Variants in CYP2J2 observed in about 807,000 individuals in gnomAD.
CYP2J2 encodes the protein cytochrome P450 2J2.
A neutral mutation model predicts 48.8 loss-of-function variants in CYP2J2; 41 were observed. The ratio of observed to expected loss-of-function variants is 0.84; its 90% CI spans 0.66 to 1.09. CYP2J2 has a LOEUF of 1.09. Among genes scored for constraint, CYP2J2 ranks in the 50% least tolerant of loss-of-function variants. The probability of loss-of-function intolerance (pLI) is 0.00; values close to 1 mark genes in which losing one functional copy is unlikely to be tolerated. For missense variants in CYP2J2, 644 were observed against 617.3 expected, an observed-to-expected ratio of 1.04 and a Z score of -0.46; for synonymous variants, 221 against 227.1, an observed-to-expected ratio of 0.97 and a Z score of 0.24.
chr1:59,929,265 T>G (rs1050121496), upstream of CYP2J2, among the ~76,000 whole-genome samples: 6 of 152,018 alleles, frequency 3.9e-5, no homozygotes, highest in African/African-American at 1.5e-4. Context: ...ACAAATGAAA[T>G]TACAAACAAA....
chr1:59,959,373 T>C, the CYP2J2 span, among the ~76,000 whole-genome samples: 3 of 149,388 alleles, frequency 2.0e-5, no homozygotes, highest in Non-Finnish European at 4.5e-5. Context: ...TAACTAAAAG[T>C]AGATCTGCTA....
chr1:59,956,040 T>C, the CYP2J2 span, among the ~76,000 whole-genome samples: 304 of 152,270 alleles, frequency 2.0e-3, 2 homozygotes, highest in Non-Finnish European at 3.0e-3. Context: ...CAGAGATGTA[T>C]ACATATGCAT....
At chr1:59,924,146 C>T (rs1022677895) in intron 1 of CYP2J2, among the ~76,000 whole-genome samples, 3 of 152,108 alleles carry the variant, frequency 2.0e-5, no homozygotes, top group African/African-American at 7.2e-5. Context: ...AAAGAAGAAG[C>T]ATAAACTTTT....
the CYP2J2 span, among the ~76,000 whole-genome samples, chr1:59,965,146 A>G: frequency 1.3e-5 from 2 of 152,248 alleles, no homozygotes; most frequent in African/African-American, 4.8e-5. Flanking sequence ...GGGTGAAGCA[A>G]GTTTAACAGT....
intron 8 of CYP2J2, among the ~76,000 whole-genome samples, chr1:59,894,526 G>A (rs1644252390): frequency 6.6e-6 from 1 of 152,172 alleles, no homozygotes; most frequent in Non-Finnish European, 1.5e-5. Flanking sequence ...TGAACTGAAG[G>A]CAGAAGGGCA....
the CYP2J2 span, among the ~76,000 whole-genome samples, chr1:59,935,431 A>C: frequency 6.6e-6 from 1 of 152,178 alleles, no homozygotes; most frequent in African/African-American, 2.4e-5. Flanking sequence ...GCATGTAACT[A>C]TATGAGGTGA....
At chr1:59,961,296 AAC>A in the CYP2J2 span, among the ~76,000 whole-genome samples, 1 of 152,342 alleles carries the variant, frequency 6.6e-6, no homozygotes, top group East Asian at 1.9e-4. Context: ...AAAGGCAAAT[AAC>A]ACAATTAAAA....
In CYP2J2 at chr1:59,915,214, G is replaced by A. The variant is rs4915784; in HGVS notation, c.373+724C>T. Among the ~76,000 whole-genome samples the A allele has an allele frequency of 5.0e-3, 766 of 152,234 alleles. 3 individuals carry two copies. Among genetic ancestry groups the A allele is most frequent in the South Asian group, 0.014 (66 of 4,820 alleles). ...TAAATACTGAGGGAAGTCAGAGACCGGTGCCAGTGCAGGTCCTTGGTATGC... is the reference window on the plus strand; with the variant it reads ...TAAATACTGAGGGAAGTCAGAGACCAGTGCCAGTGCAGGTCCTTGGTATGC... On this transcript the variant is annotated intron_variant, in intron 2 of 8. Transcript: ENST00000371204.
intron 5 of CYP2J2, 105 bp from the exon 6 acceptor site, chr1:59,908,032 T>C (rs1160483527): frequency 8.7e-7 from 1 of 1,144,250 alleles, no homozygotes; most frequent in East Asian, 2.4e-5. Flanking sequence ...GAAGAAAAGG[T>C]CCCCAAAAGA....
At chr1:59,964,567 C>T in the CYP2J2 span, among the ~76,000 whole-genome samples, 1 of 152,190 alleles carries the variant, frequency 6.6e-6, no homozygotes, top group African/African-American at 2.4e-5. Flanking sequence ...AGATGAGAAG[C>T]TCCTTCAATA....
chr1:59,902,351 A>C (rs1644327410), intron 7 of CYP2J2, among the ~76,000 whole-genome samples: 1 of 152,156 alleles, frequency 6.6e-6, no homozygotes, highest in African/African-American at 2.4e-5. Context: ...GTGTTTGTTG[A>C]ATTCATTCAA....
chr1:59,962,049 G>A, the CYP2J2 span, among the ~76,000 whole-genome samples: 1 of 151,818 alleles, frequency 6.6e-6, no homozygotes, highest in Non-Finnish European at 1.5e-5. Context: ...TTATGGTGAT[G>A]GCTGTACAAC....
intron 1 of CYP2J2, 98 bp from the exon 2 acceptor site, chr1:59,916,198 T>C: frequency 1.0e-6 from 1 of 996,234 alleles, no homozygotes; most frequent in South Asian, 1.5e-5. Flanking sequence ...TTGAGAGGAG[T>C]GCGTGTGTCT....
intron 8 of CYP2J2, among the ~76,000 whole-genome samples, chr1:59,899,123 T>C (rs1644294287): frequency 6.6e-6 from 1 of 152,184 alleles, no homozygotes; most frequent in Admixed American, 6.5e-5. Context: ...GGTGAAGCAT[T>C]TTTTGTGGAA....
intron 5 of CYP2J2, 116 bp downstream of exon 5, chr1:59,909,668 A>G (rs953046776): frequency 7.4e-6 from 5 of 672,750 alleles, no homozygotes; most frequent in South Asian, 4.2e-5. Flanking sequence ...GAGAGAATCA[A>G]TCTGTGCTAT....
At chr1:59,965,391 A>G in the CYP2J2 span, among the ~76,000 whole-genome samples, 1 of 152,240 alleles carries the variant, frequency 6.6e-6, no homozygotes, top group Non-Finnish European at 1.5e-5. Flanking sequence ...CAGAGGGCTG[A>G]GCCCTGGGCT....
chr1:59,893,782 T>C lies in CYP2J2; in HGVS notation c.1378A>G (p.Ile460Val). 6.2e-7 allele frequency: 1 copy of C among 1,613,250 alleles called. No homozygotes were observed. Among genetic ancestry groups the C allele is most frequent in the Non-Finnish European group, 8.5e-7 (1 of 1,179,650 alleles). Residue 460 changes from isoleucine to valine, a missense_variant, in exon 9 of 9, where the codon ATT becomes GTT. Transcript: ENST00000371204. The part of the protein sequence containing the change: ...GEQLARTELF[I>V]FFTSLMQKFT... ...TTTTGCATAAGGGAAGTGAAGAAAA[T>C]AAACAGCTCAGTCCTGGCCAACTGT...
rs778956014 is a variant in CYP2J2, at chr1:59,904,886, C to T, written c.1176G>A (p.Gly392=). 6.2e-7 allele frequency: 1 copy of T among 1,613,482 alleles called. No individual in the cohort carries two copies. Among genetic ancestry groups the T allele is most frequent in the African/African-American group, 1.3e-5 (1 of 74,962 alleles). Residue 392 remains glycine, a synonymous_variant, in exon 7 of 9, where the codon GGG becomes GGA. Coordinates refer to ENST00000371204, the MANE Select transcript of CYP2J2 (RefSeq NM_000775.4). The stretch of plus-strand genomic sequence containing the variant: ...GCTTAATTACCTTGGGCAGGTGGTA[C>T]CCAGCCAAAGTGGTATCAACTGTCA... The part of the protein sequence containing the change: ...REVTVDTTLA[G]YHLPKGTMIL...
In CYP2J2 at chr1:59,909,979, A is replaced by G. The variant is rs1574253009; in HGVS notation, c.685-19T>C. The G allele has an allele frequency of 3.8e-6, 6 of 1,582,662 alleles. No individual in the cohort carries two copies. In the South Asian group the frequency reaches 4.7e-5, roughly 12 times the overall value. On this transcript the variant is annotated intron_variant, in intron 4 of 8. Coordinates refer to ENST00000371204, the MANE Select transcript of CYP2J2 (RefSeq NM_000775.4). ...TGTAGAGCTAATTGAGAAAAACAAA[A>G]CAATCATGCAGATAACATGGTGCCA...
Sources: gnomAD v4.1 joint callset for allele counts (sites outside exome capture counted in the v4.1 genomes callset) on GRCh38, gnomAD v4.1.1 for gene constraint, MANE v1.5 for transcripts, NCBI Gene and HGNC (gene_info 2026-07-23, HGNC 2026-07-21) for gene names.